Variants in FAM83B observed in about 807,000 individuals in gnomAD.
The protein encoded by FAM83B is protein FAM83B.
Under a neutral mutation model 38.8 loss-of-function variants are expected in FAM83B, and 26 were observed. That is an observed-to-expected ratio of 0.67 (90% CI 0.49 to 0.93). The LOEUF is 0.93. Among genes scored for constraint, FAM83B ranks in the 40% least tolerant of loss-of-function variants. FAM83B has a pLI of 0.00. For synonymous variants in FAM83B, 419 were observed against 423.1 expected (o/e 0.99, Z 0.12); for missense variants, 1,237 against 1,197.3 (o/e 1.03, Z -0.49).
intron 2 of FAM83B, among the ~76,000 whole-genome samples, chr6:54,888,426 T>C (rs1772328313): frequency 6.6e-6 from 1 of 152,030 alleles, no homozygotes; most frequent in Non-Finnish European, 1.5e-5. Flanking sequence ...TTGCTTTTGT[T>C]ACCAGTCTGT....
intron 2 of FAM83B, among the ~76,000 whole-genome samples, chr6:54,912,866 G>C (rs1162944999): frequency 2.6e-5 from 4 of 152,004 alleles, no homozygotes; most frequent in East Asian, 3.8e-4. Context: ...ATGAGGAATA[G>C]TGGAGTGAAA....
intron 2 of FAM83B, among the ~76,000 whole-genome samples, chr6:54,889,266 C>T (rs753344212): frequency 2.6e-5 from 4 of 152,062 alleles, no homozygotes; most frequent in Non-Finnish European, 4.4e-5. Flanking sequence ...TTATTTTAAG[C>T]ATTTCCAATA....
intron 4 of FAM83B, among the ~76,000 whole-genome samples, chr6:54,938,966 T>C (rs927664998): frequency 6.6e-6 from 1 of 152,180 alleles, no homozygotes; most frequent in Non-Finnish European, 1.5e-5. Context: ...TTTTATTATG[T>C]TATCATCTAG....
chr6:54,854,002 G>A (rs942724655), intron 1 of FAM83B, among the ~76,000 whole-genome samples: 3 of 152,194 alleles, frequency 2.0e-5, no homozygotes, highest in African/African-American at 7.2e-5. Context: ...AGATGTCTTA[G>A]AAAGGTTCAA....
chr6:54,917,204 A>G (rs1773063985), intron 2 of FAM83B, among the ~76,000 whole-genome samples: 1 of 152,146 alleles, frequency 6.6e-6, no homozygotes, highest in Non-Finnish European at 1.5e-5. Flanking sequence ...TCCCAACAAA[A>G]ATTTATTGAA....
chr6:54,932,177 ATATTTTG>A (rs1355909859), intron 4 of FAM83B, among the ~76,000 whole-genome samples: 1 of 151,804 alleles, frequency 6.6e-6, no homozygotes, highest in Non-Finnish European at 1.5e-5. Context: ...CGCCTGGGTA[ATATTTTG>A]TATTTTTAGT....
At chr6:54,887,103 A>G (rs1321826636) in intron 2 of FAM83B, among the ~76,000 whole-genome samples, 1 of 152,196 alleles carries the variant, frequency 6.6e-6, no homozygotes, top group African/African-American at 2.4e-5. Context: ...AGTATGTTTT[A>G]TGATTCAGCC....
At position 54,940,167 on chromosome 6, in the gene FAM83B, A is replaced by G; in HGVS notation, c.1196A>G (p.Tyr399Cys). 1 of 1,614,076 alleles carries G rather than the reference A, an allele frequency of 6.2e-7. No homozygotes were observed. Among genetic ancestry groups the G allele is most frequent in the Non-Finnish European group, 8.5e-7 (1 of 1,179,988 alleles). ...GGGGAACAGCCAGAAACAGTGCCAT[A>G]CCTCCTGCTTAATAGGGCTCTGAAT... ...YAGEQPETVP[Y>C]LLLNRALNRT... is the part of the protein sequence containing the mutation. The change falls in exon 5 of 5, where the codon TAC becomes TGC. Residue 399 changes from tyrosine to cysteine, a missense_variant. Physicochemically the swap from Tyr to Cys is radical, Grantham distance 194. Transcript: ENST00000306858.
chr6:54,942,948 G>C lies in FAM83B; in HGVS notation c.*941G>C, dbSNP rs899962915. Among the ~76,000 whole-genome samples, 6 of 151,636 alleles carry C rather than the reference G, an allele frequency of 4.0e-5. No homozygotes were observed. In the East Asian group the frequency reaches 1.2e-3, roughly 29 times the overall value. On this transcript the variant is annotated 3_prime_UTR_variant, in exon 5 of 5. Coordinates refer to ENST00000306858, the MANE Select transcript of FAM83B (RefSeq NM_001010872.3). ...GATGGAGTCTCGCTCTGTCACCCAG[G>C]CTAGAGTGCAGTGGCGCAATCTTGG...
intron 1 of FAM83B, among the ~76,000 whole-genome samples, chr6:54,865,216 A>G (rs189992325): frequency 7.2e-5 from 11 of 152,272 alleles, no homozygotes; most frequent in Admixed American, 6.5e-4. Flanking sequence ...CAGCAGGGCC[A>G]TGCTCTCTTT....
chr6:54,887,104 T>C (rs1459243312), intron 2 of FAM83B, among the ~76,000 whole-genome samples: 1 of 152,228 alleles, frequency 6.6e-6, no homozygotes, highest in African/African-American at 2.4e-5. Flanking sequence ...GTATGTTTTA[T>C]GATTCAGCCT....
chr6:54,883,718 C>A (rs1772196726), intron 2 of FAM83B, among the ~76,000 whole-genome samples: 1 of 150,364 alleles, frequency 6.7e-6, no homozygotes. Flanking sequence ...TTGTCAGACA[C>A]ATGTTGCAAA....
chr6:54,887,390 A>G (rs537882842), intron 2 of FAM83B, among the ~76,000 whole-genome samples: 1 of 152,320 alleles, frequency 6.6e-6, no homozygotes, highest in Non-Finnish European at 1.5e-5. Flanking sequence ...TTTGGAACAT[A>G]CAGAGGTCCT....
At chr6:54,909,465 G>A (rs1158642048) in intron 2 of FAM83B, among the ~76,000 whole-genome samples, 1 of 152,004 alleles carries the variant, frequency 6.6e-6, no homozygotes, top group Non-Finnish European at 1.5e-5. Flanking sequence ...GATTTCTGAG[G>A]CATTGCTTCA....
At chr6:54,887,972 A>G (rs898041897) in intron 2 of FAM83B, among the ~76,000 whole-genome samples, 1 of 149,910 alleles carries the variant, frequency 6.7e-6, no homozygotes, top group African/African-American at 2.4e-5. Context: ...ACATGTAATT[A>G]CTGATTTCTT....
At chr6:54,850,709 A>G (rs1771250912) in intron 1 of FAM83B, among the ~76,000 whole-genome samples, 3 of 152,164 alleles carry the variant, frequency 2.0e-5, no homozygotes, top group Admixed American at 2.0e-4. Flanking sequence ...GACTCATTCA[A>G]CAGATGTTTT....
At chr6:54,924,319 A>G (rs1222757258) in intron 2 of FAM83B, among the ~76,000 whole-genome samples, 1 of 151,896 alleles carries the variant, frequency 6.6e-6, no homozygotes, top group Non-Finnish European at 1.5e-5. Context: ...TTTTATGCCA[A>G]TTAAAAAATA....
At chr6:54,919,879 T>C (rs1156701506) in intron 2 of FAM83B, among the ~76,000 whole-genome samples, 1 of 151,996 alleles carries the variant, frequency 6.6e-6, no homozygotes, top group Non-Finnish European at 1.5e-5. Flanking sequence ...TATTCTCTGG[T>C]TCATTTGTTT....
At chr6:54,876,303 A>C (rs1250013493) in intron 2 of FAM83B, among the ~76,000 whole-genome samples, 10 of 48,852 alleles carry the variant, frequency 2.0e-4, no homozygotes, top group Non-Finnish European at 4.7e-4. Flanking sequence ...ATATATATAT[A>C]TATATATATA....
Sources: gnomAD v4.1 joint callset for allele counts (sites outside exome capture counted in the v4.1 genomes callset) on GRCh38, gnomAD v4.1.1 for gene constraint, MANE v1.5 for transcripts, NCBI Gene and HGNC (gene_info 2026-07-23, HGNC 2026-07-21) for gene names.